MAST4: variants seen among roughly 807,000 people sequenced by gnomAD.
MAST4 encodes the protein microtubule associated serine/threonine kinase family member 4.
In MAST4, 89 loss-of-function variants were observed where a neutral mutation model predicts 162.7. The observed-to-expected ratio is 0.55, with a 90% CI of 0.46 to 0.65. The LOEUF is 0.65. Among genes scored for constraint, MAST4 ranks in the 30% least tolerant of loss-of-function variants. The probability of loss-of-function intolerance (pLI) is 0.00; values close to 1 mark genes in which losing one functional copy is unlikely to be tolerated. For synonymous variants in MAST4, 1,479 were observed against 1,361.1 expected (o/e 1.09, Z -1.91); for missense variants, 3,153 against 3,374.0 (o/e 0.93, Z 1.62).
At chr5:66,821,103 A>G (rs921513459) in intron 3 of MAST4, among the ~76,000 whole-genome samples, 49 of 152,356 alleles carry the variant, frequency 3.2e-4, no homozygotes, top group African/African-American at 1.1e-3. Context: ...AATTTTTGCT[A>G]AATGAAATGT....
intron 3 of MAST4, among the ~76,000 whole-genome samples, chr5:66,799,673 A>G (rs1401098807): frequency 6.6e-6 from 1 of 152,174 alleles, no homozygotes; most frequent in Non-Finnish European, 1.5e-5. Flanking sequence ...CCCCTTTCCC[A>G]TTGTCCAGAG....
intron 6 of MAST4, among the ~76,000 whole-genome samples, chr5:67,091,334 A>G (rs1317263985): frequency 1.3e-5 from 2 of 152,180 alleles, no homozygotes; most frequent in Non-Finnish European, 2.9e-5. Flanking sequence ...GTTGTTTCCC[A>G]TCATGTGTTA....
At chr5:66,847,820 CAAAA>C (rs777825639) in intron 3 of MAST4, among the ~76,000 whole-genome samples, 13 of 54,144 alleles carry the variant, frequency 2.4e-4, no homozygotes, top group Middle Eastern at 0.016. Flanking sequence ...GACTCCTTCT[CAAAA>C]AAAAAAAAAA....
intron 1 of MAST4, among the ~76,000 whole-genome samples, chr5:66,660,910 T>C (rs1241530343): frequency 6.6e-6 from 1 of 152,246 alleles, no homozygotes; most frequent in Non-Finnish European, 1.5e-5. Context: ...ATGTGTCTTC[T>C]TGAAAGCTTA....
At chr5:66,815,849 G>T (rs1025935779) in intron 3 of MAST4, among the ~76,000 whole-genome samples, 1 of 152,174 alleles carries the variant, frequency 6.6e-6, no homozygotes, top group East Asian at 1.9e-4. Context: ...CTTACCTGCT[G>T]TCCCAGAGGA....
intron 4 of MAST4, among the ~76,000 whole-genome samples, chr5:66,976,673 A>G (rs1232331100): frequency 6.6e-6 from 1 of 152,234 alleles, no homozygotes; most frequent in Non-Finnish European, 1.5e-5. Flanking sequence ...AGGCTCTAGC[A>G]TTCAGGAGGG....
chr5:66,760,077 CTATTTATTTATT>C (rs1554049949), intron 2 of MAST4, among the ~76,000 whole-genome samples: 72 of 147,264 alleles, frequency 4.9e-4, no homozygotes, highest in Non-Finnish European at 4.2e-4. Flanking sequence ...ACAATATCCC[CTATTTATTTATT>C]TATTTATTTA....
At chr5:66,630,780 AAGAAGTGGTTCCAT>A (rs1473081413) in intron 1 of MAST4, among the ~76,000 whole-genome samples, 1 of 152,194 alleles carries the variant, frequency 6.6e-6, no homozygotes, top group Non-Finnish European at 1.5e-5. Context: ...CTTAAAAATA[AAGAAGTGGTTCCAT>A]AGAGTGATCT....
At chr5:66,654,221 T>A (rs1447256964) in intron 1 of MAST4, among the ~76,000 whole-genome samples, 1 of 152,230 alleles carries the variant, frequency 6.6e-6, no homozygotes, top group Non-Finnish European at 1.5e-5. Context: ...AATGTCCTGA[T>A]GCTAAAGTTT....
intron 1 of MAST4, among the ~76,000 whole-genome samples, chr5:66,691,063 G>A (rs1315469636): frequency 1.3e-5 from 2 of 152,110 alleles, no homozygotes; most frequent in Non-Finnish European, 2.9e-5. Context: ...AACTTTCTTA[G>A]AGTGACAATA....
intron 3 of MAST4, among the ~76,000 whole-genome samples, chr5:66,842,504 G>C (rs1030120307): frequency 1.3e-5 from 2 of 150,410 alleles, no homozygotes; most frequent in African/African-American, 4.9e-5. Context: ...TCATTTCCAC[G>C]TGTGGGTTCA....
At chr5:66,651,180 CTTT>C (rs964788068) in intron 1 of MAST4, among the ~76,000 whole-genome samples, 1 of 146,578 alleles carries the variant, frequency 6.8e-6, no homozygotes, top group Non-Finnish European at 1.5e-5. Context: ...GATTGAGAAT[CTTT>C]TTTTTTTTGA....
chr5:66,820,321 G>A lies in MAST4; in HGVS notation c.642+31527G>A, dbSNP rs748621801. ...CTCATAAAATACTTAGATGATGCCA[G>A]TAGTATTATCTTCAGTAAATATACA... On this transcript the variant is annotated intron_variant, in intron 3 of 28. Transcript: ENST00000403625. 2.0e-5 allele frequency among the ~76,000 whole-genome samples: 3 copies of A among 152,314 alleles called. No individual in the cohort carries two copies. The East Asian group carries it at 5.8e-4, about 29-fold the overall frequency.
intron 1 of MAST4, among the ~76,000 whole-genome samples, chr5:66,720,616 G>A (rs1424441011): frequency 6.6e-6 from 1 of 151,812 alleles, no homozygotes; most frequent in Admixed American, 6.6e-5. Flanking sequence ...GATGAGCCTC[G>A]CAAGAGGTTT....
chr5:67,079,954 A>T (rs1762410409), intron 5 of MAST4, among the ~76,000 whole-genome samples: 1 of 152,204 alleles, frequency 6.6e-6, no homozygotes, highest in Admixed American at 6.5e-5. Context: ...AGGGGTCTGC[A>T]AAAGGGGAGG....
chr5:66,660,812 G>T (rs917449578), intron 1 of MAST4, among the ~76,000 whole-genome samples: 4 of 152,114 alleles, frequency 2.6e-5, no homozygotes, highest in Non-Finnish European at 4.4e-5. Context: ...TAATATAATT[G>T]AATTCTGTAA....
At chr5:66,775,049 TC>T (rs35036755) in intron 2 of MAST4, among the ~76,000 whole-genome samples, 1 of 150,662 alleles carries the variant, frequency 6.6e-6, no homozygotes, top group Admixed American at 6.6e-5. Flanking sequence ...GTGTGTGTTT[TC>T]CCCCTGTAGC....
At chr5:66,675,078 G>T (rs542924415) in intron 1 of MAST4, among the ~76,000 whole-genome samples, 1 of 152,124 alleles carries the variant, frequency 6.6e-6, no homozygotes. Flanking sequence ...TCTGCCTGCC[G>T]TATGCATTCT....
In MAST4 at chr5:66,788,753, C is replaced by T. The variant is rs763371596; in HGVS notation, c.601C>T (p.Gln201Ter). The stretch of plus-strand genomic sequence containing the variant: ...GTCCAACCTCGTGCGCATGCGCAGC[C>T]AGGCCCTGGGCCAGTCGGCGCCCTC... ...ETSNLVRMRS[Q>*]ALGQSAPSLT... Residue 201 changes from glutamine (Q) to a stop codon, truncating the protein, a stop_gained, in exon 3 of 29, where the codon CAG (glutamine) becomes TAG (stop). Coordinates refer to ENST00000403625, the MANE Select transcript of MAST4 (RefSeq NM_001164664.2). LOFTEE classifies it high-confidence loss of function. 6.2e-7 allele frequency: 1 copy of T among 1,611,756 alleles called. No homozygotes were observed. The highest frequency in any genetic ancestry group is 8.5e-7 in the Non-Finnish European group (1 of 1,178,756).
Sources: allele counts gnomAD v4.1 joint callset (sites outside exome capture counted in the v4.1 genomes callset), GRCh38; gene constraint gnomAD v4.1.1; transcripts MANE v1.5; gene names NCBI Gene and HGNC (gene_info 2026-07-23, HGNC 2026-07-21).